Variants in GHR observed in about 807,000 individuals in gnomAD.
GHR encodes growth hormone receptor, also known as GH receptor.
Under a neutral mutation model 67.1 loss-of-function variants are expected in GHR, and 35 were observed. That is an observed-to-expected ratio of 0.52 (90% CI 0.40 to 0.69). The LOEUF is 0.69. Among genes scored for constraint, GHR ranks in the 30% least tolerant of loss-of-function variants. The pLI is 0.00. For synonymous variants in GHR, 272 were observed against 269.1 expected (o/e 1.01, Z -0.10); for missense variants, 792 against 764.6 (o/e 1.04, Z -0.42).
Position 42,424,171 on chromosome 5 carries a change from A to AGTGTGTGTGTGTGTGTGTGTGTGTGT in GHR, c.-12+239_-12+264dup, listed in dbSNP as rs1158830359. On this transcript the variant is annotated intron_variant, in intron 1 of 9. Coordinates refer to ENST00000230882, the MANE Select transcript of GHR (RefSeq NM_000163.5). The surrounding 1 kb of genome is among the most constrained non-coding windows in gnomAD (Gnocchi z 4.1). ...CTGGTGGGTTGTTGTAACCCAATCT[A>AGTGTGTGTGTGTGTGTGTGTGTGTGT]GTGTGTGTGTGTGTGTGTGTGTGTG... 3.0e-5 allele frequency among the ~76,000 whole-genome samples: 3 copies of AGTGTGTGTGTGTGTGTGTGTGTGTGT among 100,512 alleles called. No homozygotes were observed. Among genetic ancestry groups the AGTGTGTGTGTGTGTGTGTGTGTGTGT allele is most frequent in the African/African-American group, 8.3e-5 (2 of 24,150 alleles). The allele number at this position is 100,512 out of a possible 152,430, so 65.9% of individuals were successfully genotyped here. A position where few individuals can be genotyped will look rare whatever the true frequency, so the allele number is the denominator to read the frequency against.
intron 1 of GHR, among the ~76,000 whole-genome samples, chr5:42,481,330 G>T (rs142533774): frequency 0.011 from 1,683 of 152,116 alleles, 25 homozygotes; most frequent in African/African-American, 0.038. Context: ...ATTTTTTCCT[G>T]CATTTCAACT....
intron 1 of GHR, among the ~76,000 whole-genome samples, chr5:42,504,764 A>T (rs528268636): frequency 6.6e-6 from 1 of 152,268 alleles, no homozygotes; most frequent in East Asian, 1.9e-4. Flanking sequence ...TCTCAAAATA[A>T]AATAAAATAA....
chr5:42,470,137 A>C (rs1355382498), intron 1 of GHR, among the ~76,000 whole-genome samples: 1 of 119,974 alleles, frequency 8.3e-6, no homozygotes, highest in Non-Finnish European at 1.7e-5. Flanking sequence ...ATGTTATTAC[A>C]TTAATATACT....
At chr5:42,604,939 T>C (rs1752554484) in intron 2 of GHR, among the ~76,000 whole-genome samples, 1 of 152,054 alleles carries the variant, frequency 6.6e-6, no homozygotes, top group African/African-American at 2.4e-5. Flanking sequence ...TTCTTTTGTT[T>C]GAAATATATT....
chr5:42,463,638 A>G (rs1181258823), intron 1 of GHR, among the ~76,000 whole-genome samples: 1 of 152,206 alleles, frequency 6.6e-6, no homozygotes, highest in Non-Finnish European at 1.5e-5. Flanking sequence ...AAGGCCTTTT[A>G]ATCTTTAGCT....
At position 42,498,845 on chromosome 5, in the gene GHR, C is replaced by A. The variant is rs537771877; in HGVS notation, c.-11-67019C>A. Among the ~76,000 whole-genome samples, 9 of 152,296 alleles carry A rather than the reference C, an allele frequency of 5.9e-5. No homozygotes were observed. In the South Asian group the frequency reaches 1.9e-3, roughly 32 times the overall value. On this transcript the variant is annotated intron_variant, in intron 1 of 9. Transcript: ENST00000230882. ...AAAAATGTGCTCTATAGGTACAGAG[C>A]AGGAGATAATCATTATTAATAGGCA...
intron 1 of GHR, among the ~76,000 whole-genome samples, chr5:42,476,214 TTTTTG>T (rs1745309402): frequency 6.7e-6 from 1 of 148,860 alleles, no homozygotes; most frequent in Admixed American, 6.7e-5. Flanking sequence ...TTTGTTGTGT[TTTTTG>T]TTTTTGTTTT....
At chr5:42,584,193 G>C (rs1173160014) in intron 2 of GHR, among the ~76,000 whole-genome samples, 3 of 152,090 alleles carry the variant, frequency 2.0e-5, no homozygotes, top group African/African-American at 2.4e-5. Context: ...AGTCTTCCGT[G>C]AAGTAATAAA....
At chr5:42,448,406 T>C (rs1214599948) in intron 1 of GHR, among the ~76,000 whole-genome samples, 1 of 152,080 alleles carries the variant, frequency 6.6e-6, no homozygotes, top group African/African-American at 2.4e-5. Flanking sequence ...TTGAGAATTG[T>C]CTATTCATGT....
chr5:42,571,540 G>A (rs1750315410), intron 2 of GHR, among the ~76,000 whole-genome samples: 1 of 152,228 alleles, frequency 6.6e-6, no homozygotes, highest in Non-Finnish European at 1.5e-5. Flanking sequence ...GCTGGGCAGA[G>A]TCTGGGAGGT....
chr5:42,574,526 C>G (rs1380081764), intron 2 of GHR, among the ~76,000 whole-genome samples: 2 of 152,086 alleles, frequency 1.3e-5, no homozygotes, highest in Non-Finnish European at 2.9e-5. Context: ...CTGTGCATAC[C>G]TTGGCCATAT....
chr5:42,468,759 GT>G, intron 1 of GHR: 4 of 1,063,442 alleles, frequency 3.8e-6, no homozygotes, highest in Non-Finnish European at 5.8e-6. Context: ...CTTTTTTCTT[GT>G]TCTCTCCTGC....
chr5:42,493,162 A>C (rs73751203), intron 1 of GHR, among the ~76,000 whole-genome samples: 1,875 of 152,270 alleles, frequency 0.012, 45 homozygotes, highest in African/African-American at 0.043. Context: ...GTGATTCTGT[A>C]GGCAGAAAAC....
chr5:42,677,595 T>A (rs182580344), intron 3 of GHR, among the ~76,000 whole-genome samples: 32 of 152,282 alleles, frequency 2.1e-4, no homozygotes, highest in Admixed American at 4.6e-4. Context: ...GCTGCCACAG[T>A]ATCACCACCT....
rs527715945 is a variant in GHR, at chr5:42,440,518, G to A, written c.-12+16563G>A. Among the ~76,000 whole-genome samples, 191 of 152,162 alleles carry A rather than the reference G, an allele frequency of 1.3e-3. 4 individuals are homozygous for A. The South Asian group carries it at 0.039, about 31-fold the overall frequency. The stretch of plus-strand genomic sequence containing the variant: ...AAGAAGAAGCCAGAAAAGTAAGCAG[G>A]GACTACATCTTACACGATGATGTAG... On this transcript the variant is annotated intron_variant, in intron 1 of 9. Coordinates refer to ENST00000230882, the MANE Select transcript of GHR (RefSeq NM_000163.5).
Position 42,694,917 on chromosome 5 carries a change from G to A in GHR, c.267G>A (p.Arg89=). The change falls in exon 5 of 10, where the codon AGG becomes AGA. Residue 89 remains arginine, a splice_region_variant and synonymous_variant. Coordinates refer to ENST00000230882, the MANE Select transcript of GHR (RefSeq NM_000163.5). Reference sequence around the variant, plus strand: ...ATCTTTTTTTAACCCTTCATTTTAGGAACACTCAAGAATGGACTCAAGAAT... The same window carrying A: ...ATCTTTTTTTAACCCTTCATTTTAGAAACACTCAAGAATGGACTCAAGAAT... The part of the protein sequence containing the change: ...LGPIQLFYTR[R]NTQEWTQEWK... 5 of 1,605,198 alleles carry A rather than the reference G, an allele frequency of 3.1e-6. No individual in the cohort carries two copies. Among genetic ancestry groups the A allele is most frequent in the Non-Finnish European group, 2.6e-6 (3 of 1,172,890 alleles).
At chr5:42,533,626 A>G (rs1579886929) in intron 1 of GHR, among the ~76,000 whole-genome samples, 4 of 152,030 alleles carry the variant, frequency 2.6e-5, no homozygotes, top group Admixed American at 2.6e-4. Flanking sequence ...TATGTATGGT[A>G]TAAAGCATAA....
chr5:42,595,984 A>G lies in GHR; in HGVS notation c.70+30040A>G, dbSNP rs553713136. On this transcript the variant is annotated intron_variant, in intron 2 of 9. Transcript: ENST00000230882. Reference sequence around the variant, plus strand: ...CATTTCCAATTAAGGAAGGACTCTCACTTCAGTTTCTAAAATAAATTAGAA... The same window carrying G: ...CATTTCCAATTAAGGAAGGACTCTCGCTTCAGTTTCTAAAATAAATTAGAA... Among the ~76,000 whole-genome samples, 353 of 152,340 alleles carry G rather than the reference A, an allele frequency of 2.3e-3. 1 individual carries two copies. The highest frequency in any genetic ancestry group is 2.1e-3 in the Non-Finnish European group (146 of 68,028).
At chr5:42,576,974 A>G (rs1750781320) in intron 2 of GHR, among the ~76,000 whole-genome samples, 2 of 152,218 alleles carry the variant, frequency 1.3e-5, no homozygotes, top group South Asian at 2.1e-4. Flanking sequence ...GTAGAGACCA[A>G]TCTCCTCTTT....
Sources: gnomAD v4.1 joint callset for allele counts (sites outside exome capture counted in the v4.1 genomes callset) on GRCh38, gnomAD v4.1.1 for gene constraint, Gnocchi (gnomAD v3.1) non-coding constraint, MANE v1.5 for transcripts, NCBI Gene and HGNC (gene_info 2026-07-23, HGNC 2026-07-21) for gene names.